Variants in TTLL7 observed in about 807,000 individuals in gnomAD.
TTLL7 encodes the protein tubulin tyrosine ligase like 7, also known as tubulin polyglutamylase TTLL7.
TTLL7 carries 53 observed loss-of-function variants against 120.2 expected under a neutral mutation model. The observed-to-expected ratio is 0.44, with a 90% CI of 0.35 to 0.55. The LOEUF is 0.55. Among genes scored for constraint, TTLL7 ranks in the 20% least tolerant of loss-of-function variants. The probability of loss-of-function intolerance (pLI) is 0.00; values close to 1 mark genes in which losing one functional copy is unlikely to be tolerated. For synonymous variants in TTLL7, 353 were observed against 351.7 expected (o/e 1.00, Z -0.04); for missense variants, 803 against 1,054.7 (o/e 0.76, Z 3.31).
At chr1:83,903,248 A>G (rs1656878938) in intron 18 of TTLL7, among the ~76,000 whole-genome samples, 2 of 152,030 alleles carry the variant, frequency 1.3e-5, no homozygotes, top group Admixed American at 6.6e-5. Context: ...CTATAAATAT[A>G]TAAATAAAAT....
chr1:83,880,188 T>C (rs1372117017), intron 20 of TTLL7: 2 of 152,018 alleles, frequency 1.3e-5, no homozygotes, highest in East Asian at 3.9e-4. Context: ...ATTTCAATAA[T>C]TTGCTTCAGT....
rs146385491 is a variant in TTLL7 at position 83,902,594 on chromosome 1, T to C, written c.2208+1485A>G. On this transcript the variant is annotated intron_variant, in intron 18 of 20. Coordinates refer to ENST00000260505, the MANE Select transcript of TTLL7 (RefSeq NM_024686.6). ...ACCCAGTTCTCATGGTTTTTTCACA[T>C]TTTACTGGCTGCTCCTTCTCAGTCC... is the stretch of plus-strand genomic sequence containing the variant. Among the ~76,000 whole-genome samples the C allele has an allele frequency of 3.2e-3, 481 of 152,100 alleles. 3 individuals carry two copies. Among genetic ancestry groups the C allele is most frequent in the South Asian group, 7.9e-3 (38 of 4,828 alleles).
chr1:83,998,634 C>T (rs939100170), intron 1 of TTLL7, among the ~76,000 whole-genome samples: 9 of 152,158 alleles, frequency 5.9e-5, no homozygotes, highest in Admixed American at 2.0e-4. Context: ...CAACCCGACC[C>T]CGCCCGCCCG....
chr1:83,910,971 G>A (rs1026276450), intron 15 of TTLL7, among the ~76,000 whole-genome samples, 194 bp downstream of exon 15: 4 of 152,034 alleles, frequency 2.6e-5, no homozygotes, highest in Non-Finnish European at 4.4e-5. Flanking sequence ...CAGCCCTTTC[G>A]TTTTCTATTT....
intron 13 of TTLL7, among the ~76,000 whole-genome samples, chr1:83,919,054 A>C (rs947618927): frequency 6.6e-6 from 1 of 152,062 alleles, no homozygotes; most frequent in Non-Finnish European, 1.5e-5. Context: ...GACACACCAG[A>C]CATGTGAGTG....
intron 1 of TTLL7, among the ~76,000 whole-genome samples, chr1:83,977,598 T>C (rs1413004247): frequency 6.6e-6 from 1 of 152,106 alleles, no homozygotes; most frequent in Non-Finnish European, 1.5e-5. Flanking sequence ...CTAATTCATC[T>C]CAGGAAGAGA....
At chr1:83,905,468 A>G (rs951862203) in intron 17 of TTLL7, among the ~76,000 whole-genome samples, 2 of 151,434 alleles carry the variant, frequency 1.3e-5, no homozygotes, top group Non-Finnish European at 2.9e-5. Context: ...TGCCAAGTGC[A>G]TGGCTGTAGT....
chr1:83,970,983 C>T (rs908199674), intron 1 of TTLL7, among the ~76,000 whole-genome samples: 1 of 151,892 alleles, frequency 6.6e-6, no homozygotes, highest in African/African-American at 2.4e-5. Flanking sequence ...AATTCCATGG[C>T]AATTCCTGCT....
At chr1:83,957,852 A>C (rs556693300) in intron 1 of TTLL7, among the ~76,000 whole-genome samples, 7 of 152,306 alleles carry the variant, frequency 4.6e-5, no homozygotes, top group Admixed American at 2.6e-4. Context: ...CCAGGAACCT[A>C]ATTGTCTTGA....
At chr1:83,948,769 A>G (rs2100855908) in intron 4 of TTLL7, 74 bp from the exon 5 acceptor site, 1 of 1,032,580 alleles carries the variant, frequency 9.7e-7, no homozygotes, top group East Asian at 2.5e-5. Context: ...ATACAATTCT[A>G]TCCATCCTTT....
At chr1:83,980,549 T>C (rs774946076) in intron 1 of TTLL7, 3 of 152,140 alleles carry the variant, frequency 2.0e-5, no homozygotes, top group African/African-American at 4.8e-5. Context: ...CAAACCATCA[T>C]TCAGGAATGA....
In TTLL7 at chr1:83,955,048, G is replaced by T. The variant is rs530894861; in HGVS notation, c.-176-2661C>A. Among the ~76,000 whole-genome samples, 4 of 152,252 alleles carry T rather than the reference G, an allele frequency of 2.6e-5. No homozygotes were observed. The South Asian group carries it at 8.3e-4, about 32-fold the overall frequency. ...TTGAAACAAAACCAAAATAATTCCA[G>T]TACATTTGTGCTAGAGTACCATTTC... On this transcript the variant is annotated intron_variant, in intron 1 of 20. Coordinates refer to ENST00000260505, the MANE Select transcript of TTLL7 (RefSeq NM_024686.6).
chr1:83,933,302 G>A (rs1659761678), intron 9 of TTLL7, among the ~76,000 whole-genome samples: 1 of 152,152 alleles, frequency 6.6e-6, no homozygotes. Context: ...GTAGAAGCCA[G>A]GAGGCTGAGA....
intron 19 of TTLL7, chr1:83,889,873 G>T: frequency 2.2e-6 from 1 of 455,972 alleles, no homozygotes; most frequent in Non-Finnish European, 4.4e-6. Context: ...ATGACTGAGA[G>T]AATAATAATA....
At chr1:83,956,586 C>T (rs1649540238) in intron 1 of TTLL7, among the ~76,000 whole-genome samples, 1 of 152,110 alleles carries the variant, frequency 6.6e-6, no homozygotes, top group African/African-American at 2.4e-5. Context: ...CGCCACCACA[C>T]CTGGCTAATT....
At chr1:83,909,152 C>A (rs150121196) in intron 15 of TTLL7, among the ~76,000 whole-genome samples, 1 of 151,052 alleles carries the variant, frequency 6.6e-6, no homozygotes, top group East Asian at 2.0e-4. Context: ...AGTAACTGCA[C>A]TGTAGTCCTA....
intron 1 of TTLL7, among the ~76,000 whole-genome samples, chr1:83,956,931 A>G (rs1458456815): frequency 1.3e-5 from 2 of 152,210 alleles, no homozygotes; most frequent in African/African-American, 4.8e-5. Context: ...CAAAAAAGTA[A>G]AATATATGTG....
intron 5 of TTLL7, among the ~76,000 whole-genome samples, chr1:83,947,999 T>C (rs762733321): frequency 6.6e-6 from 1 of 152,196 alleles, no homozygotes; most frequent in Non-Finnish European, 1.5e-5. Flanking sequence ...GGGGTACTTA[T>C]TATCAGCTTT....
At chr1:83,889,249 C>T (rs1361653902) in intron 19 of TTLL7, among the ~76,000 whole-genome samples, 1 of 152,010 alleles carries the variant, frequency 6.6e-6, no homozygotes, top group Non-Finnish European at 1.5e-5. Flanking sequence ...TAAGAATTCA[C>T]TCACTATCAA....
Sources: allele counts gnomAD v4.1 joint callset (sites outside exome capture counted in the v4.1 genomes callset), GRCh38; gene constraint gnomAD v4.1.1; transcripts MANE v1.5; gene names NCBI Gene and HGNC (gene_info 2026-07-23, HGNC 2026-07-21).